MSH4: variants seen among roughly 807,000 people sequenced by gnomAD.
MSH4 encodes the protein mutS homolog 4.
In MSH4, 106 loss-of-function variants were observed where a neutral mutation model predicts 113.7. The observed-to-expected ratio is 0.93, with a 90% CI of 0.80 to 1.10. MSH4 has a LOEUF of 1.10. MSH4 is among the 50% of genes least tolerant of loss of function. The probability of loss-of-function intolerance (pLI) is 0.00; values close to 1 mark genes in which losing one functional copy is unlikely to be tolerated. For synonymous variants in MSH4, 368 were observed against 380.2 expected, an observed-to-expected ratio of 0.97 and a Z score of 0.37; for missense variants, 1,061 against 1,093.7, an observed-to-expected ratio of 0.97 and a Z score of 0.42.
chr1:75,909,078 G>T (rs2100598931), intron 19 of MSH4, among the ~76,000 whole-genome samples: 1 of 152,230 alleles, frequency 6.6e-6, no homozygotes, highest in South Asian at 2.1e-4. Context: ...CTGCCCTCAG[G>T]CGGTTTTCTC....
chr1:75,798,002 CTAT>C (rs1005498585), intron 1 of MSH4, among the ~76,000 whole-genome samples: 1 of 152,170 alleles, frequency 6.6e-6, no homozygotes, highest in African/African-American at 2.4e-5. Flanking sequence ...TTGTTAGTCT[CTAT>C]TCATGACAAA....
At chr1:75,835,714 T>A (rs575367516) in intron 7 of MSH4, among the ~76,000 whole-genome samples, 1 of 152,334 alleles carries the variant, frequency 6.6e-6, no homozygotes, top group Admixed American at 6.5e-5. Context: ...AAACTCTCCC[T>A]GGACTTCATC....
intron 7 of MSH4, among the ~76,000 whole-genome samples, chr1:75,834,897 A>C (rs1650795426): frequency 6.6e-6 from 1 of 152,260 alleles, no homozygotes; most frequent in South Asian, 2.1e-4. Flanking sequence ...CGTTGTGCAC[A>C]TGTACCCTAG....
At chr1:75,891,317 A>G (rs1652247355) in intron 17 of MSH4, among the ~76,000 whole-genome samples, 1 of 152,170 alleles carries the variant, frequency 6.6e-6, no homozygotes, top group Non-Finnish European at 1.5e-5. Flanking sequence ...ATCTTTTTAA[A>G]TGGTCACTCA....
intron 9 of MSH4, among the ~76,000 whole-genome samples, chr1:75,874,058 T>A (rs1651766659): frequency 6.6e-6 from 1 of 152,194 alleles, no homozygotes; most frequent in Admixed American, 6.5e-5. Context: ...TAAATGTTCT[T>A]CTTTCTCTAC....
At chr1:75,854,657 ATACT>A (rs1381725867) in intron 8 of MSH4, among the ~76,000 whole-genome samples, 14 of 152,116 alleles carry the variant, frequency 9.2e-5, no homozygotes, top group Non-Finnish European at 4.4e-5. Context: ...CTAACAACTG[ATACT>A]ACATCACATT....
chr1:75,884,857 G>A (rs1652026894), intron 15 of MSH4, among the ~76,000 whole-genome samples: 1 of 151,552 alleles, frequency 6.6e-6, no homozygotes, highest in African/African-American at 2.4e-5. Flanking sequence ...GGAATTAAAA[G>A]GACATTTTAG....
intron 7 of MSH4, among the ~76,000 whole-genome samples, chr1:75,832,526 A>G (rs1650723977): frequency 6.6e-6 from 1 of 152,196 alleles, no homozygotes; most frequent in Non-Finnish European, 1.5e-5. Context: ...CATCGATGCA[A>G]AAATCCTCAA....
At chr1:75,800,881 C>A (rs1326613465) in intron 1 of MSH4, among the ~76,000 whole-genome samples, 2 of 152,018 alleles carry the variant, frequency 1.3e-5, no homozygotes, top group African/African-American at 4.8e-5. Flanking sequence ...TTATGCTGTC[C>A]GATGTGGTAA....
At chr1:75,905,269 T>C (rs985151115) in intron 19 of MSH4, among the ~76,000 whole-genome samples, 16 of 152,024 alleles carry the variant, frequency 1.1e-4, no homozygotes, top group Non-Finnish European at 1.8e-4. Flanking sequence ...TCAAGAATTT[T>C]TAAATTTTTC....
intron 1 of MSH4, 69 bp from the exon 2 acceptor site, chr1:75,803,655 GTATAAAT>G: frequency 9.5e-7 from 1 of 1,052,266 alleles, no homozygotes; most frequent in Non-Finnish European, 1.3e-6. Flanking sequence ...AGTGAACATG[GTATAAAT>G]TATAATGACT....
chr1:75,830,363 CT>C (rs1650655530), intron 7 of MSH4, among the ~76,000 whole-genome samples: 1 of 152,210 alleles, frequency 6.6e-6, no homozygotes, highest in South Asian at 2.1e-4. Flanking sequence ...GGAAAACACT[CT>C]TCAGGATATT....
At chr1:75,890,608 T>C in intron 16 of MSH4, 88 bp from the exon 17 acceptor site, 3 of 642,406 alleles carry the variant, frequency 4.7e-6, no homozygotes, top group Admixed American at 3.5e-5. Flanking sequence ...GATGAACTTA[T>C]AAAGAGACTG....
Position 75,808,460 on chromosome 1 carries a change from T to A in MSH4, c.588+1319T>A, listed in dbSNP as rs1305848786. 2.6e-5 allele frequency among the ~76,000 whole-genome samples: 4 copies of A among 152,214 alleles called. No individual in the cohort carries two copies. In the East Asian group the frequency reaches 5.8e-4, roughly 22 times the overall value. On this transcript the variant is annotated intron_variant, in intron 3 of 19. Coordinates refer to ENST00000263187, the MANE Select transcript of MSH4 (RefSeq NM_002440.4). ...TGAAGTGTACTGTTCTGTTTTTATA[T>A]GTTTCTCAAATAAATCCCCTTTTAA... is the stretch of plus-strand genomic sequence containing the variant.
At chr1:75,876,044 A>G (rs961874260) in intron 9 of MSH4, among the ~76,000 whole-genome samples, 25 of 152,130 alleles carry the variant, frequency 1.6e-4, no homozygotes, top group African/African-American at 5.8e-4. Flanking sequence ...GTGTACATGA[A>G]ACATAAATGA....
chr1:75,836,590 C>G (rs574625803), intron 7 of MSH4, among the ~76,000 whole-genome samples: 1 of 152,162 alleles, frequency 6.6e-6, no homozygotes, highest in Non-Finnish European at 1.5e-5. Flanking sequence ...CAACCTAACA[C>G]AGTCAACAAC....
Position 75,797,198 on chromosome 1 carries a change from C to T in MSH4, c.213C>T (p.Pro71=), listed in dbSNP as rs765344556. The T allele has an allele frequency of 6.8e-6, 11 of 1,606,874 alleles. No individual in the cohort carries two copies. Among genetic ancestry groups the T allele is most frequent in the African/African-American group, 5.3e-5 (4 of 74,830 alleles). Residue 71 remains proline (P), a synonymous_variant, in exon 1 of 20, where the codon CCC becomes CCT. Coordinates refer to ENST00000263187, the MANE Select transcript of MSH4 (RefSeq NM_002440.4). ...GGAGCAGCAGCAGCAGCAGCCTTCCCTGCCCCGCGCCAAACTCCCGGCCAG... is the reference window on the plus strand; with the variant it reads ...GGAGCAGCAGCAGCAGCAGCCTTCCTTGCCCCGCGCCAAACTCCCGGCCAG... The part of the protein sequence containing the change: ...GDRSSSSSSL[P]CPAPNSRPAQ...
chr1:75,901,050 T>C (rs1652495165), intron 19 of MSH4, among the ~76,000 whole-genome samples: 2 of 152,220 alleles, frequency 1.3e-5, no homozygotes, highest in Non-Finnish European at 2.9e-5. Context: ...ATAATAGTTG[T>C]ACATATTTTG....
chr1:75,871,860 A>G (rs1304396595), intron 9 of MSH4, among the ~76,000 whole-genome samples: 1 of 152,244 alleles, frequency 6.6e-6, no homozygotes, highest in Non-Finnish European at 1.5e-5. Context: ...TTACAGGAAG[A>G]GACTATTTGC....
Sources: allele counts gnomAD v4.1 joint callset (sites outside exome capture counted in the v4.1 genomes callset), GRCh38; gene constraint gnomAD v4.1.1; transcripts MANE v1.5; gene names NCBI Gene and HGNC (gene_info 2026-07-23, HGNC 2026-07-21).